UMAD1: variants seen among roughly 807,000 people sequenced by gnomAD.
UMAD1 encodes UBAP1-MVB12-associated (UMA)-domain containing protein 1.
UMAD1 carries 8 observed loss-of-function variants against 6.1 expected under a neutral mutation model. The ratio of observed to expected loss-of-function variants is 1.30; its 90% CI spans 0.76 to 2.35. The LOEUF is 2.35. Ranked by LOEUF, UMAD1 falls within the 30% of genes most tolerant of loss-of-function variation. UMAD1 has a pLI of 0.00. For synonymous variants in UMAD1, 56 were observed against 31.4 expected (o/e 1.78, Z -2.61); for missense variants, 130 against 78.4 (o/e 1.66, Z -2.49).
rs999783250 is a variant in UMAD1, at chr7:7,830,782, G to A, written c.156+29039G>A. 9.9e-5 allele frequency among the ~76,000 whole-genome samples: 15 copies of A among 152,072 alleles called. No individual in the cohort carries two copies. The highest frequency in any genetic ancestry group is 3.4e-4 in the African/African-American group (14 of 41,438). Reference sequence around the variant, plus strand: ...GACTAAGTTCTATGAATCTTTACTTGCCGATCTTGTATCTTTCAGTACTGG... The same window carrying A: ...GACTAAGTTCTATGAATCTTTACTTACCGATCTTGTATCTTTCAGTACTGG... On this transcript the variant is annotated intron_variant, in intron 3 of 3. Coordinates refer to ENST00000682710, the MANE Select transcript of UMAD1 (RefSeq NM_001302348.2). The surrounding 1 kb of genome is among the most constrained non-coding windows in gnomAD (Gnocchi z 5.3).
chr7:7,732,828 T>C (rs974990), intron 2 of UMAD1, among the ~76,000 whole-genome samples: 45,634 of 152,106 alleles, frequency 0.3, 7,896 homozygotes, highest in African/African-American at 0.49. Context: ...AAACTTTGAA[T>C]GTGTTATATG....
chr7:7,746,925 G>A (rs576452018), intron 2 of UMAD1, among the ~76,000 whole-genome samples: 2 of 151,678 alleles, frequency 1.3e-5, no homozygotes, highest in South Asian at 4.2e-4. Flanking sequence ...TTAAAAAAAT[G>A]TTTATATTTC....
chr7:7,699,328 T>A (rs1011279936), intron 2 of UMAD1, among the ~76,000 whole-genome samples: 2 of 152,240 alleles, frequency 1.3e-5, no homozygotes, highest in Admixed American at 6.5e-5. Context: ...TTTAAATATA[T>A]TTATGCTTTA....
intron 2 of UMAD1, among the ~76,000 whole-genome samples, chr7:7,766,260 A>T (rs1303785309): frequency 6.6e-6 from 1 of 152,212 alleles, no homozygotes; most frequent in Non-Finnish European, 1.5e-5. Flanking sequence ...GTTATTGCTT[A>T]TTCCAGGCAT....
At chr7:7,790,456 A>T (rs1782546990) in intron 2 of UMAD1, among the ~76,000 whole-genome samples, 1 of 152,238 alleles carries the variant, frequency 6.6e-6, no homozygotes, top group South Asian at 2.1e-4. Context: ...AATGTAGTAA[A>T]GGAGGGCAGC....
chr7:7,723,626 C>A (rs936136066), intron 2 of UMAD1, among the ~76,000 whole-genome samples: 1 of 152,182 alleles, frequency 6.6e-6, no homozygotes, highest in Non-Finnish European at 1.5e-5. Context: ...GCACCTGTAT[C>A]TTTCAAGAGC....
At chr7:7,856,028 G>T (rs985144620) in intron 3 of UMAD1, among the ~76,000 whole-genome samples, 1 of 152,074 alleles carries the variant, frequency 6.6e-6, no homozygotes, top group South Asian at 2.1e-4. Flanking sequence ...GGACTTCATT[G>T]TCCATATCAC....
At chr7:7,809,055 A>G (rs2115281854) in intron 3 of UMAD1, among the ~76,000 whole-genome samples, 1 of 152,138 alleles carries the variant, frequency 6.6e-6, no homozygotes, top group East Asian at 1.9e-4. Flanking sequence ...TTCTTAATGA[A>G]GAGGTAAAAC....
intron 2 of UMAD1, among the ~76,000 whole-genome samples, chr7:7,678,108 T>A (rs1009780674): frequency 2.7e-5 from 4 of 149,256 alleles, no homozygotes; most frequent in African/African-American, 1.0e-4. Flanking sequence ...TACCCAGCAA[T>A]AGAATTGCTG....
chr7:7,642,946 A>G (rs931026112), intron 1 of UMAD1, among the ~76,000 whole-genome samples: 5 of 152,180 alleles, frequency 3.3e-5, no homozygotes, highest in Non-Finnish European at 5.9e-5. Context: ...ACAGAAACGT[A>G]TGTATCTTCT....
intron 1 of UMAD1, among the ~76,000 whole-genome samples, chr7:7,668,083 A>AT (rs1318192208): frequency 3.3e-4 from 48 of 147,180 alleles, no homozygotes; most frequent in East Asian, 4.0e-4. Context: ...CAGCTGGCTA[A>AT]TTTTTTTTTT....
At chr7:7,800,766 C>T (rs1387694386) in intron 2 of UMAD1, among the ~76,000 whole-genome samples, 1 of 152,172 alleles carries the variant, frequency 6.6e-6, no homozygotes, top group African/African-American at 2.4e-5. Flanking sequence ...ACTTTATCTC[C>T]AGTCAAGACT....
intron 2 of UMAD1, among the ~76,000 whole-genome samples, chr7:7,694,925 A>G (rs1313220217): frequency 1.3e-5 from 2 of 152,192 alleles, no homozygotes; most frequent in East Asian, 3.8e-4. Flanking sequence ...GTTGGATCAT[A>G]CGGTAGTTCT....
intron 2 of UMAD1, among the ~76,000 whole-genome samples, chr7:7,716,645 A>G (rs891831072): frequency 2.0e-5 from 3 of 152,198 alleles, no homozygotes; most frequent in African/African-American, 7.2e-5. Context: ...CTAGTAAAAG[A>G]TTAGGGTGGA....
rs1262922961 is a variant in UMAD1, at chr7:7,794,275, A to G, written c.83-7395A>G. On this transcript the variant is annotated intron_variant, in intron 2 of 3. Coordinates refer to ENST00000682710, the MANE Select transcript of UMAD1 (RefSeq NM_001302348.2). ...GGCTCAAGGGCATGCCAATAATAAC[A>G]GCCCTCTTCCCCAGATGAGATCTGG... 2.6e-5 allele frequency among the ~76,000 whole-genome samples: 4 copies of G among 152,328 alleles called. No homozygotes were observed. In the East Asian group the frequency reaches 7.7e-4, roughly 29 times the overall value.
At chr7:7,703,865 C>T (rs565378277) in intron 2 of UMAD1, among the ~76,000 whole-genome samples, 15 of 152,126 alleles carry the variant, frequency 9.9e-5, no homozygotes, top group Admixed American at 6.5e-4. Flanking sequence ...TTGCTTGAGC[C>T]TGGGAGGTTG....
chr7:7,666,741 A>AT (rs1222790856), intron 1 of UMAD1, among the ~76,000 whole-genome samples: 2 of 151,914 alleles, frequency 1.3e-5, no homozygotes, highest in African/African-American at 4.8e-5. Context: ...TATATACATT[A>AT]TTTATCAAAT....
intron 2 of UMAD1, chr7:7,736,551 A>G (rs1041079621): frequency 2.0e-5 from 3 of 152,216 alleles, no homozygotes; most frequent in African/African-American, 7.2e-5. Context: ...AATGATCTCC[A>G]TCAATGCAGG....
chr7:7,875,129 A>G (rs890627803), intron 3 of UMAD1, among the ~76,000 whole-genome samples: 3 of 152,182 alleles, frequency 2.0e-5, no homozygotes, highest in African/African-American at 7.2e-5. Flanking sequence ...CAGCATTTAT[A>G]ACCATTAGCA....
Sources: allele counts gnomAD v4.1 joint callset (sites outside exome capture counted in the v4.1 genomes callset), GRCh38; gene constraint gnomAD v4.1.1; non-coding constraint Gnocchi (gnomAD v3.1); transcripts MANE v1.5; gene names NCBI Gene and HGNC (gene_info 2026-07-23, HGNC 2026-07-21).